The following GALNT14 variants were observed in gnomAD, a reference collection of about 807,000 sequenced individuals.
GALNT14 encodes the protein polypeptide N-acetylgalactosaminyltransferase 14.
GALNT14 carries 60 observed loss-of-function variants against 77.5 expected under a neutral mutation model. The ratio of observed to expected loss-of-function variants is 0.77; its 90% CI spans 0.63 to 0.96. The LOEUF is 0.96. GALNT14 is among the 40% of genes least tolerant of loss of function. GALNT14 has a pLI of 0.00. For synonymous variants in GALNT14, 280 were observed against 281.7 expected, an observed-to-expected ratio of 0.99 and a Z score of 0.06; for missense variants, 710 against 731.0, an observed-to-expected ratio of 0.97 and a Z score of 0.33.
At chr2:30,900,160 G>A in the GALNT14 span, among the ~76,000 whole-genome samples, 16 of 152,298 alleles carry the variant, frequency 1.1e-4, 1 homozygote, top group East Asian at 3.1e-3. Flanking sequence ...CCAGATGTGA[G>A]TGAATCTGCC....
chr2:31,076,569 C>A (rs6705710), intron 1 of GALNT14, among the ~76,000 whole-genome samples: 9,186 of 151,224 alleles, frequency 0.061, 293 homozygotes, highest in South Asian at 0.085. Flanking sequence ...CTATTTAATT[C>A]CTATTGCAAA....
At chr2:31,124,358 G>T (rs1218150780) in intron 1 of GALNT14, among the ~76,000 whole-genome samples, 2 of 152,194 alleles carry the variant, frequency 1.3e-5, no homozygotes, top group African/African-American at 4.8e-5. Context: ...GGAAAGTGAG[G>T]CTGAGGGGAA....
rs144750588 is a variant in GALNT14, at chr2:31,124,980, C to T, written c.129+12978G>A. On this transcript the variant is annotated intron_variant, in intron 1 of 14. Coordinates refer to ENST00000349752, the MANE Select transcript of GALNT14 (RefSeq NM_024572.4). ...ATGCAGGACACTTGACAGTCACTTG[C>T]GCCACTTATTCAGAGCATGGCCAGA... 7.2e-4 allele frequency among the ~76,000 whole-genome samples: 110 copies of T among 152,320 alleles called. 2 individuals carry two copies. The highest frequency in any genetic ancestry group is 2.4e-3 in the African/African-American group (99 of 41,578).
intron 1 of GALNT14, among the ~76,000 whole-genome samples, chr2:31,105,763 A>C (rs745453064): frequency 6.6e-6 from 1 of 152,076 alleles, no homozygotes; most frequent in African/African-American, 2.4e-5. Flanking sequence ...CCAAGGTCTG[A>C]GTACTCACCA....
At chr2:30,923,056 C>CT (rs56163710) in intron 13 of GALNT14, among the ~76,000 whole-genome samples, 2,796 of 116,362 alleles carry the variant, frequency 0.024, 52 homozygotes, top group African/African-American at 0.043. Context: ...ACAAACGTGC[C>CT]TTTTTTTTTT....
chr2:30,953,804 A>G (rs1225853684), intron 6 of GALNT14, among the ~76,000 whole-genome samples: 3 of 152,200 alleles, frequency 2.0e-5, no homozygotes, highest in Admixed American at 6.5e-5. Context: ...ATAGGTGCTC[A>G]GGAAACGTCT....
chr2:31,114,459 G>A (rs1241884410), intron 1 of GALNT14, among the ~76,000 whole-genome samples: 2 of 152,104 alleles, frequency 1.3e-5, no homozygotes, highest in Non-Finnish European at 2.9e-5. Context: ...AAGACTTTCT[G>A]GGAATAAAAA....
chr2:31,056,901 T>C (rs1315692285), intron 1 of GALNT14, among the ~76,000 whole-genome samples: 1 of 152,020 alleles, frequency 6.6e-6, no homozygotes, highest in East Asian at 1.9e-4. Context: ...CAACAATGGA[T>C]TGAACAAAGA....
intron 13 of GALNT14, among the ~76,000 whole-genome samples, chr2:30,918,101 C>G (rs1192356904): frequency 6.6e-6 from 1 of 152,224 alleles, no homozygotes; most frequent in Non-Finnish European, 1.5e-5. Context: ...ACCTGGTGGG[C>G]TCCTAGACAC....
rs556866271 is a variant in GALNT14, at chr2:30,944,935, G to A, written c.750C>T (p.Asp250=). The A allele has an allele frequency of 2.1e-5, 34 of 1,609,302 alleles. No individual in the cohort carries two copies. In the South Asian group the frequency reaches 3.5e-4, roughly 17 times the overall value. Reference sequence around the variant, plus strand: ...GCTCCCACTGGAAGTGGAGGCTCCAGTCAAACCCTACAACACAGCACCAAC... The same window carrying A: ...GCTCCCACTGGAAGTGGAGGCTCCAATCAAACCCTACAACACAGCACCAAC... ...ESASELRGGF[D]WSLHFQWEQL... The change falls in exon 8 of 15, where the codon GAC becomes GAT. Residue 250 remains aspartate (D), a synonymous_variant. Transcript: ENST00000349752.
downstream of GALNT14, among the ~76,000 whole-genome samples, chr2:30,907,348 A>G (rs1440417998): frequency 1.3e-5 from 2 of 152,114 alleles, no homozygotes; most frequent in South Asian, 4.2e-4. Flanking sequence ...GAAGAATCTA[A>G]TAGACGCAAT....
intron 2 of GALNT14, among the ~76,000 whole-genome samples, chr2:30,990,637 C>T (rs909421594): frequency 5.9e-5 from 9 of 152,242 alleles, no homozygotes; most frequent in African/African-American, 2.2e-4. Flanking sequence ...CCTCACAGTG[C>T]TAGCCTGGGG....
At chr2:30,990,266 C>A (rs1669619224) in intron 2 of GALNT14, among the ~76,000 whole-genome samples, 1 of 152,246 alleles carries the variant, frequency 6.6e-6, no homozygotes, top group African/African-American at 2.4e-5. Context: ...GTCCCCAGAA[C>A]ACAGGTCACC....
At chr2:31,016,325 C>T (rs570576056) in intron 1 of GALNT14, among the ~76,000 whole-genome samples, 1 of 152,192 alleles carries the variant, frequency 6.6e-6, no homozygotes, top group East Asian at 1.9e-4. Flanking sequence ...TGTATTATGC[C>T]AACCTTGATT....
At chr2:31,111,762 T>C (rs1295265367) in intron 1 of GALNT14, among the ~76,000 whole-genome samples, 2 of 152,192 alleles carry the variant, frequency 1.3e-5, no homozygotes, top group East Asian at 1.9e-4. Flanking sequence ...ATTTTTTTTT[T>C]CACACAAAGG....
chr2:30,906,175 A>G (rs1236469078), downstream of GALNT14, among the ~76,000 whole-genome samples: 6 of 150,978 alleles, frequency 4.0e-5, no homozygotes, highest in Admixed American at 6.6e-5. Flanking sequence ...ATAACCAGCT[A>G]ACATCATAAT....
intron 3 of GALNT14, among the ~76,000 whole-genome samples, chr2:30,959,195 C>T (rs998704334): frequency 6.6e-6 from 1 of 152,144 alleles, no homozygotes; most frequent in African/African-American, 2.4e-5. Context: ...CAAGCCACTA[C>T]GTGAGAATTA....
intron 9 of GALNT14, among the ~76,000 whole-genome samples, chr2:30,932,755 G>A (rs1665817346): frequency 6.6e-6 from 1 of 152,166 alleles, no homozygotes; most frequent in African/African-American, 2.4e-5. Flanking sequence ...AGGCCTCAGG[G>A]CAAGGTGTCC....
At chr2:30,895,189 T>C in the GALNT14 span, among the ~76,000 whole-genome samples, 5 of 152,264 alleles carry the variant, frequency 3.3e-5, no homozygotes, top group South Asian at 4.2e-4. Context: ...CAGGTTCAAT[T>C]TGACAAGCAC....
Sources: gnomAD v4.1 joint callset for allele counts (sites outside exome capture counted in the v4.1 genomes callset) on GRCh38, gnomAD v4.1.1 for gene constraint, MANE v1.5 for transcripts, NCBI Gene and HGNC (gene_info 2026-07-23, HGNC 2026-07-21) for gene names.